The following TCF12 variants were observed in gnomAD, a reference collection of about 807,000 sequenced individuals.
TCF12 encodes the protein transcription factor 12, also known as DNA-binding protein HTF4.
A neutral mutation model predicts 86.0 loss-of-function variants in TCF12; 45 were observed. The ratio of observed to expected loss-of-function variants is 0.52; its 90% CI spans 0.41 to 0.67. The LOEUF (loss-of-function observed/expected upper bound fraction) is 0.67, where lower values mean the gene tolerates loss of function less well. Among genes scored for constraint, TCF12 ranks in the 30% least tolerant of loss-of-function variants. The pLI, the probability that TCF12 is intolerant of heterozygous loss-of-function variation, is 0.00. For missense variants in TCF12, 881 were observed against 859.9 expected, an observed-to-expected ratio of 1.02 and a Z score of -0.31; for synonymous variants, 330 against 299.6, an observed-to-expected ratio of 1.10 and a Z score of -1.05.
At chr15:56,972,783 A>T (rs1019840588) in intron 3 of TCF12, among the ~76,000 whole-genome samples, 9 of 152,200 alleles carry the variant, frequency 5.9e-5, no homozygotes, top group Admixed American at 5.2e-4. Context: ...AAGAATCAAA[A>T]TAGACTAAAG....
At chr15:56,960,917 A>G (rs922490890) in intron 3 of TCF12, among the ~76,000 whole-genome samples, 20 of 151,676 alleles carry the variant, frequency 1.3e-4, no homozygotes, top group African/African-American at 4.6e-4. Context: ...AGGTGGGTGG[A>G]TCACCTGAGG....
intron 18 of TCF12, among the ~76,000 whole-genome samples, 174 bp downstream of exon 18, chr15:57,263,448 A>G (rs540258088): frequency 2.0e-5 from 3 of 152,338 alleles, no homozygotes; most frequent in Admixed American, 2.0e-4. Flanking sequence ...AGAGAAGTAT[A>G]TGAAGGTTTG....
chr15:57,183,960 T>C (rs1035933631), intron 6 of TCF12, among the ~76,000 whole-genome samples: 3 of 152,156 alleles, frequency 2.0e-5, no homozygotes, highest in Non-Finnish European at 2.9e-5. Context: ...CTGTTCATCA[T>C]TTAGATTATT....
intron 3 of TCF12, among the ~76,000 whole-genome samples, chr15:56,999,905 TAAAAA>T (rs1211612071): frequency 6.6e-6 from 1 of 151,782 alleles, no homozygotes; most frequent in South Asian, 2.1e-4. Context: ...TCATAATTAA[TAAAAA>T]AAGAAATATT....
chr15:56,961,949 T>A (rs1052000840), intron 3 of TCF12, among the ~76,000 whole-genome samples: 3 of 151,672 alleles, frequency 2.0e-5, no homozygotes, highest in South Asian at 2.1e-4. Flanking sequence ...GAGACCACGG[T>A]GAAACCCCGT....
chr15:57,255,566 C>G (rs1233537672), intron 16 of TCF12, among the ~76,000 whole-genome samples: 1 of 152,242 alleles, frequency 6.6e-6, no homozygotes, highest in African/African-American at 2.4e-5. Flanking sequence ...TCACTGCAAT[C>G]TCTGCCTCCC....
intron 3 of TCF12, among the ~76,000 whole-genome samples, chr15:57,007,900 TCCTTCCTTCCTTCC>T (rs2064550835): frequency 3.0e-5 from 2 of 65,818 alleles, no homozygotes; most frequent in South Asian, 7.5e-4. Flanking sequence ...CTTCCTTCCT[TCCTTCCTTCCTTCC>T]TCTTTCTTTG....
intron 17 of TCF12, 107 bp downstream of exon 17, chr15:57,262,315 G>A (rs2060626017): frequency 1.2e-6 from 1 of 857,514 alleles, no homozygotes; most frequent in East Asian, 2.7e-5. Flanking sequence ...AAGTCATTGA[G>A]GTGAGGGAAT....
downstream of TCF12, among the ~76,000 whole-genome samples, chr15:57,290,543 C>T (rs1476861323): frequency 6.6e-6 from 1 of 152,078 alleles, no homozygotes; most frequent in Non-Finnish European, 1.5e-5. Flanking sequence ...CACCATGCTG[C>T]AGGTTTGACA....
intron 12 of TCF12, among the ~76,000 whole-genome samples, chr15:57,237,295 A>T (rs1321889134): frequency 1.3e-5 from 2 of 152,190 alleles, no homozygotes; most frequent in African/African-American, 4.8e-5. Context: ...CTTAGACTCA[A>T]TAACATTAGC....
intron 3 of TCF12, among the ~76,000 whole-genome samples, chr15:56,956,454 A>G (rs1293529454): frequency 2.0e-5 from 3 of 151,982 alleles, no homozygotes; most frequent in African/African-American, 4.8e-5. Flanking sequence ...TGTCATTTCC[A>G]TATAGTTAAT....
intron 10 of TCF12, 55 bp from the exon 11 acceptor site, chr15:57,232,657 T>C (rs2059191319): frequency 6.4e-7 from 1 of 1,554,676 alleles, no homozygotes; most frequent in South Asian, 1.2e-5. Context: ...TTGTCCATTT[T>C]ATGTGAATAT....
chr15:57,222,061 A>G (rs1225089555), intron 8 of TCF12, among the ~76,000 whole-genome samples: 9 of 151,982 alleles, frequency 5.9e-5, no homozygotes, highest in Non-Finnish European at 1.3e-4. Flanking sequence ...ATTTAATCTC[A>G]TTTTATAGAT....
At chr15:57,147,307 A>G (rs1196298791) in intron 5 of TCF12, among the ~76,000 whole-genome samples, 1 of 152,220 alleles carries the variant, frequency 6.6e-6, no homozygotes, top group African/African-American at 2.4e-5. Context: ...GTTTAACATC[A>G]GTGTAATAGT....
intron 3 of TCF12, among the ~76,000 whole-genome samples, chr15:57,024,354 C>T (rs189813954): frequency 2.7e-5 from 4 of 149,976 alleles, no homozygotes; most frequent in African/African-American, 9.8e-5. Flanking sequence ...GTTGAGATTA[C>T]AGGCGCCCGC....
chr15:57,274,092 A>G (rs1597825073), intron 19 of TCF12, among the ~76,000 whole-genome samples: 1 of 152,094 alleles, frequency 6.6e-6, no homozygotes, highest in Non-Finnish European at 1.5e-5. Context: ...TTTGCAAGGA[A>G]TTCATAGATG....
chr15:57,212,709 G>C (rs1385820133), intron 8 of TCF12, among the ~76,000 whole-genome samples: 2 of 152,178 alleles, frequency 1.3e-5, no homozygotes, highest in Non-Finnish European at 2.9e-5. Context: ...TGTTTTATTA[G>C]TGGTGAAATG....
intron 5 of TCF12, among the ~76,000 whole-genome samples, chr15:57,164,494 A>C (rs1164595511): frequency 3.3e-5 from 5 of 151,978 alleles, no homozygotes; most frequent in Non-Finnish European, 5.9e-5. Context: ...AAATCATCAG[A>C]TCTTGTGAGA....
In TCF12 at chr15:57,233,067, ATATG is replaced by A. The variant is rs2059223164; in HGVS notation, c.970+213_970+216del. Among the ~76,000 whole-genome samples the A allele has an allele frequency of 1.1e-4, 13 of 118,010 alleles. No individual in the cohort carries two copies. The South Asian group carries it at 3.6e-3, about 33-fold the overall frequency. The allele number at this position is 118,010 out of a possible 152,430, so 77.4% of individuals were successfully genotyped here. On this transcript the variant is annotated intron_variant, in intron 11 of 20. Coordinates refer to ENST00000333725, the MANE Select transcript of TCF12 (RefSeq NM_207037.2). ...ATATATGTATATGTGTTATATATGT[ATATG>A]TGTGTTTTTTATATATGTATATATA...
Sources: allele counts gnomAD v4.1 joint callset (sites outside exome capture counted in the v4.1 genomes callset), GRCh38; gene constraint gnomAD v4.1.1; transcripts MANE v1.5; gene names NCBI Gene and HGNC (gene_info 2026-07-23, HGNC 2026-07-21).